DDX42: variants seen among roughly 807,000 people sequenced by gnomAD.
DDX42 encodes DEAD-box helicase 42, also known as ATP-dependent RNA helicase DDX42.
A neutral mutation model predicts 101.5 loss-of-function variants in DDX42; 22 were observed. The observed-to-expected ratio is 0.22, with a 90% confidence interval of 0.15 to 0.31. DDX42 has a LOEUF of 0.31. Among genes scored for constraint, DDX42 ranks in the 10% least tolerant of loss-of-function variants. The probability of loss-of-function intolerance (pLI) is 1.00; values close to 1 mark genes in which losing one functional copy is unlikely to be tolerated. For synonymous variants in DDX42, 402 were observed against 401.2 expected, an observed-to-expected ratio of 1.00 and a Z score of -0.02; for missense variants, 849 against 1,199.9, an observed-to-expected ratio of 0.71 and a Z score of 4.32.
rs1382210855 is a variant in DDX42, at chr17:63,798,118, C to T, written c.434+19C>T. 2.5e-6 allele frequency: 4 copies of T among 1,611,464 alleles called. No homozygotes were observed. The highest frequency in any genetic ancestry group is 2.5e-6 in the Non-Finnish European group (3 of 1,178,682). ...ACGTAAAGTAAGTTGTTTTCTTCTC[C>T]CTCACAAAGGTTACGTGAAAACTGC... is the stretch of plus-strand genomic sequence containing the variant. On this transcript the variant is annotated intron_variant, in intron 4 of 17. Coordinates refer to ENST00000389924, the MANE Select transcript of DDX42 (RefSeq NM_203499.3).
At chr17:63,815,925 CTG>C (rs918788100) in intron 16 of DDX42, 1 of 209,366 alleles carries the variant, frequency 4.8e-6, no homozygotes, top group African/African-American at 2.3e-5. Flanking sequence ...TGATCTCACA[CTG>C]TGGTCCCTGG....
intron 1 of DDX42, among the ~76,000 whole-genome samples, chr17:63,781,509 G>A (rs2039487616): frequency 6.6e-6 from 1 of 151,704 alleles, no homozygotes; most frequent in Non-Finnish European, 1.5e-5. Flanking sequence ...GAGCCACCGT[G>A]CCTGGCACAT....
Position 63,818,295 on chromosome 17 carries a change from ACAG to A in DDX42, c.2720_2722del (p.Ser907del), listed in dbSNP as rs746662574. Reference sequence around the variant, plus strand: ...GAGCCCAAGATGGAACCCAAAGTGGACAGCAGCAAGATGGACAAGGTGGACAGC... The same window carrying A: ...GAGCCCAAGATGGAACCCAAAGTGGACAGCAAGATGGACAAGGTGGACAGC... On this transcript the variant is annotated inframe_deletion, in exon 18 of 18. Transcript: ENST00000389924. The A allele has an allele frequency of 6.2e-6, 10 of 1,614,092 alleles. No individual in the cohort carries two copies. The East Asian group carries it at 1.8e-4, about 29-fold the overall frequency.
intron 3 of DDX42, among the ~76,000 whole-genome samples, chr17:63,797,021 AT>A (rs1444921547): frequency 6.6e-6 from 1 of 152,188 alleles, no homozygotes; most frequent in African/African-American, 2.4e-5. Context: ...GGGAAAAATC[AT>A]TTAACTCTTC....
At chr17:63,786,980 G>A (rs1418922877) in intron 1 of DDX42, 54 bp from the exon 2 acceptor site, 55 of 1,591,856 alleles carry the variant, frequency 3.5e-5, no homozygotes, top group Non-Finnish European at 4.5e-5. Context: ...CCGGCCCTTG[G>A]GGCTATACAC....
At chr17:63,789,553 GTT>G (rs1567732957) in intron 2 of DDX42, among the ~76,000 whole-genome samples, 5 of 28,642 alleles carry the variant, frequency 1.7e-4, no homozygotes, top group South Asian at 2.1e-3. Flanking sequence ...AGACTTTTTT[GTT>G]TTTGTTTTTG....
intron 3 of DDX42, among the ~76,000 whole-genome samples, chr17:63,794,655 G>T (rs2039670646): frequency 6.6e-6 from 1 of 151,228 alleles, no homozygotes; most frequent in Admixed American, 6.6e-5. Flanking sequence ...AAAAAATTTG[G>T]CCGGGCACAG....
At chr17:63,804,902 C>A in intron 6 of DDX42, 169 bp from the exon 7 acceptor site, 2 of 748,368 alleles carry the variant, frequency 2.7e-6, no homozygotes, top group Non-Finnish European at 4.1e-6. Flanking sequence ...AGAAAACAAA[C>A]TAGCTATACT....
At chr17:63,812,477 A>C (rs1449571689) in intron 14 of DDX42, among the ~76,000 whole-genome samples, 3 of 152,188 alleles carry the variant, frequency 2.0e-5, no homozygotes, top group African/African-American at 7.2e-5. Flanking sequence ...GAATGCCCTT[A>C]TTGTATGTCT....
At chr17:63,778,635 G>C (rs1427507590) in intron 1 of DDX42, among the ~76,000 whole-genome samples, 1 of 121,266 alleles carries the variant, frequency 8.2e-6, no homozygotes, top group Non-Finnish European at 1.7e-5. Context: ...GTGAGAGCTT[G>C]ATAATAAAGT....
At chr17:63,777,030 C>T (rs2039429267) in intron 1 of DDX42, among the ~76,000 whole-genome samples, 1 of 152,168 alleles carries the variant, frequency 6.6e-6, no homozygotes, top group Admixed American at 6.5e-5. Context: ...CCTCAGCCTC[C>T]TGAGCAGCTA....
At position 63,774,184 on chromosome 17, in the gene DDX42, T is replaced by G. The variant is rs372231477; in HGVS notation, c.-209T>G. The G allele has an allele frequency of 2.5e-5, 7 of 277,988 alleles. 1 individual carries two copies. The East Asian group carries it at 2.8e-4, about 11-fold the overall frequency. The allele number at this position is 277,988 out of a possible 1,614,324, so 17.2% of individuals were successfully genotyped here. On this transcript the variant is annotated 5_prime_UTR_variant, in exon 1 of 18. Transcript: ENST00000389924. Reference sequence around the variant, plus strand: ...GTCGCGTTTTTGTTCCCCTCCCCCCTTCAGCAACGGGCCGTGAGGCGGTGG... The same window carrying G: ...GTCGCGTTTTTGTTCCCCTCCCCCCGTCAGCAACGGGCCGTGAGGCGGTGG...
chr17:63,793,632 G>T (rs910515974), intron 3 of DDX42, among the ~76,000 whole-genome samples: 16 of 151,942 alleles, frequency 1.1e-4, no homozygotes, highest in Non-Finnish European at 1.9e-4. Flanking sequence ...ATTTCTCTGA[G>T]AACACTCTTA....
chr17:63,815,838 G>A, intron 16 of DDX42, 165 bp downstream of exon 16: 1 of 387,962 alleles, frequency 2.6e-6, no homozygotes, highest in Non-Finnish European at 4.7e-6. Context: ...TCATTCTTAT[G>A]GTAACTTTCT....
chr17:63,818,437 T>A lies in DDX42; in HGVS notation c.*39T>A. 2 of 1,572,412 alleles carry A rather than the reference T, an allele frequency of 1.3e-6. No individual in the cohort carries two copies. Among genetic ancestry groups the A allele is most frequent in the Non-Finnish European group, 1.7e-6 (2 of 1,160,214 alleles). On this transcript the variant is annotated 3_prime_UTR_variant, in exon 18 of 18. Transcript: ENST00000389924. ...AAGCGTGAAATCAGTTGTCCTTAAT[T>A]TTTAGAAAGATTTTGGTAACTAGGT...
intron 2 of DDX42, among the ~76,000 whole-genome samples, chr17:63,790,301 T>C (rs1235311223): frequency 6.6e-6 from 1 of 152,186 alleles, no homozygotes; most frequent in Non-Finnish European, 1.5e-5. Context: ...TAACAGTTAC[T>C]ATATAAAGGA....
intron 2 of DDX42, among the ~76,000 whole-genome samples, chr17:63,790,128 CAG>C (rs1414919522): frequency 1.3e-5 from 2 of 152,008 alleles, no homozygotes; most frequent in Non-Finnish European, 2.9e-5. Context: ...GCCTGTATGT[CAG>C]AGTGAGACTC....
intron 2 of DDX42, among the ~76,000 whole-genome samples, chr17:63,787,727 A>T (rs2039564213): frequency 1.3e-5 from 2 of 151,834 alleles, no homozygotes; most frequent in Non-Finnish European, 2.9e-5. Flanking sequence ...AATCCCAACT[A>T]CTCAGGAGGA....
At chr17:63,811,230 A>T in intron 13 of DDX42, 57 bp downstream of exon 13, 1 of 1,258,152 alleles carries the variant, frequency 7.9e-7, no homozygotes, top group Non-Finnish European at 1.1e-6. Context: ...ATATTATGGA[A>T]CACAGAATTA....
Sources: allele counts gnomAD v4.1 joint callset (sites outside exome capture counted in the v4.1 genomes callset), GRCh38; gene constraint gnomAD v4.1.1; transcripts MANE v1.5; gene names NCBI Gene and HGNC (gene_info 2026-07-23, HGNC 2026-07-21).